The following TMEM132D variants were observed in gnomAD, a reference collection of about 807,000 sequenced individuals.
The protein encoded by TMEM132D is mature OL transmembrane protein.
In TMEM132D, 21 loss-of-function variants were observed where a neutral mutation model predicts 62.3. That is an observed-to-expected ratio of 0.34 (90% confidence interval 0.24 to 0.49). The LOEUF (loss-of-function observed/expected upper bound fraction) is 0.49, where lower values mean the gene tolerates loss of function less well. Among genes scored for constraint, TMEM132D ranks in the 20% least tolerant of loss-of-function variants. The pLI is 0.99. For synonymous variants in TMEM132D, 621 were observed against 575.6 expected (o/e 1.08, Z -1.13); for missense variants, 1,346 against 1,402.8 (o/e 0.96, Z 0.65).
intron 3 of TMEM132D, among the ~76,000 whole-genome samples, chr12:129,458,928 C>A (rs1490101224): frequency 6.6e-6 from 1 of 152,178 alleles, no homozygotes; most frequent in Non-Finnish European, 1.5e-5. Context: ...TCAGTCTCCA[C>A]TCTCTCCATT....
At chr12:129,899,230 AGGATGGAT>A (rs1354364571) in intron 1 of TMEM132D, among the ~76,000 whole-genome samples, 1 of 138,174 alleles carries the variant, frequency 7.2e-6, no homozygotes, top group African/African-American at 3.1e-5. Context: ...GACAGATGGA[AGGATGGAT>A]GGATGGATGG....
intron 5 of TMEM132D, among the ~76,000 whole-genome samples, chr12:129,176,973 C>A (rs1430690430): frequency 5.9e-5 from 9 of 152,192 alleles, no homozygotes; most frequent in African/African-American, 2.2e-4. Context: ...AGGACTGCCC[C>A]CAGCCGTCTT....
At chr12:129,742,645 G>A (rs753088122) in intron 1 of TMEM132D, among the ~76,000 whole-genome samples, 3 of 152,200 alleles carry the variant, frequency 2.0e-5, no homozygotes, top group Non-Finnish European at 4.4e-5. Context: ...AGGAGTAGCT[G>A]CAGAAAATTT....
chr12:129,677,833 T>TGTC (rs755535116), intron 2 of TMEM132D, among the ~76,000 whole-genome samples: 15,196 of 106,380 alleles, frequency 0.14, 844 homozygotes, highest in South Asian at 0.26. Flanking sequence ...GATTTTGTCT[T>TGTC]TTTTTTTTTT....
intron 3 of TMEM132D, among the ~76,000 whole-genome samples, chr12:129,461,724 G>C (rs921697487): frequency 6.7e-6 from 1 of 149,848 alleles, no homozygotes; most frequent in Non-Finnish European, 1.5e-5. Flanking sequence ...TAGGTAGAGA[G>C]GTGGGTGGGT....
intron 2 of TMEM132D, among the ~76,000 whole-genome samples, chr12:129,666,638 T>G (rs1253665549): frequency 6.6e-6 from 1 of 152,184 alleles, no homozygotes; most frequent in Non-Finnish European, 1.5e-5. Flanking sequence ...GACCTGTGGA[T>G]AGCCACGCCC....
chr12:129,630,532 T>C (rs1003156960), intron 2 of TMEM132D, among the ~76,000 whole-genome samples: 3 of 152,152 alleles, frequency 2.0e-5, no homozygotes, highest in Non-Finnish European at 4.4e-5. Context: ...AGGAGAATAA[T>C]TCAAAACACT....
chr12:129,571,900 T>C (rs1877524173), intron 2 of TMEM132D, among the ~76,000 whole-genome samples: 1 of 152,212 alleles, frequency 6.6e-6, no homozygotes, highest in South Asian at 2.1e-4. Flanking sequence ...TTATGGGTTT[T>C]AGACAGCACA....
intron 3 of TMEM132D, among the ~76,000 whole-genome samples, chr12:129,443,964 C>G (rs1450423201): frequency 1.3e-5 from 2 of 152,114 alleles, no homozygotes; most frequent in Non-Finnish European, 2.9e-5. Context: ...AGGTCACACA[C>G]CTACAACTAT....
At chr12:129,740,192 C>T (rs1869556076) in intron 1 of TMEM132D, among the ~76,000 whole-genome samples, 1 of 152,184 alleles carries the variant, frequency 6.6e-6, no homozygotes, top group Non-Finnish European at 1.5e-5. Flanking sequence ...GCCCCATCAT[C>T]AAAATCTCTT....
intron 4 of TMEM132D, among the ~76,000 whole-genome samples, chr12:129,241,346 C>A (rs563676678): frequency 6.6e-6 from 1 of 152,088 alleles, no homozygotes; most frequent in South Asian, 2.1e-4. Context: ...TGCCTTGGAA[C>A]GGCAAAATTC....
intron 1 of TMEM132D, among the ~76,000 whole-genome samples, chr12:129,873,166 C>T (rs1205770768): frequency 2.0e-5 from 3 of 152,166 alleles, no homozygotes; most frequent in Non-Finnish European, 4.4e-5. Flanking sequence ...TTGAATTGCT[C>T]AGACGGTTAT....
rs573857709 is a variant in TMEM132D, at chr12:129,240,455, CTGAA to C, written c.1300-30796_1300-30793del. Among the ~76,000 whole-genome samples, 1,166 of 152,174 alleles carry C rather than the reference CTGAA, an allele frequency of 7.7e-3. 7 individuals are homozygous for C. Among genetic ancestry groups the C allele is most frequent in the Non-Finnish European group, 0.013 (882 of 68,002 alleles). Reference sequence around the variant, plus strand: ...ACAGTAAAATCTTAGAAAATTTTTGCTGAATGAATAAGAAGGTTAGAATTGTCCC... The same window carrying C: ...ACAGTAAAATCTTAGAAAATTTTTGCTGAATAAGAAGGTTAGAATTGTCCC... On this transcript the variant is annotated intron_variant, in intron 4 of 8. Transcript: ENST00000422113.
At position 129,827,665 on chromosome 12, in the gene TMEM132D, A is replaced by C. The variant is rs1225861634; in HGVS notation, c.79+75596T>G. On this transcript the variant is annotated intron_variant, in intron 1 of 8. Coordinates refer to ENST00000422113, the MANE Select transcript of TMEM132D (RefSeq NM_133448.3). The surrounding 1 kb of genome is among the most constrained non-coding windows in gnomAD (Gnocchi z 9.7). Reference sequence around the variant, plus strand: ...GCCATAGACCCAGACATCCTTAACAAACAAATTCCAGCAAGTCTCAAGTGT... The same window carrying C: ...GCCATAGACCCAGACATCCTTAACACACAAATTCCAGCAAGTCTCAAGTGT... 6.6e-6 allele frequency among the ~76,000 whole-genome samples: 1 copy of C among 152,182 alleles called. No individual in the cohort carries two copies. Among genetic ancestry groups the C allele is most frequent in the African/African-American group, 2.4e-5 (1 of 41,430 alleles).
At chr12:129,318,283 G>A (rs1028774542) in intron 4 of TMEM132D, among the ~76,000 whole-genome samples, 2 of 152,150 alleles carry the variant, frequency 1.3e-5, no homozygotes, top group Non-Finnish European at 2.9e-5. Context: ...TCTGTTAGAG[G>A]GAAGGTCTAG....
At chr12:129,263,148 C>T (rs1880596813) in intron 4 of TMEM132D, among the ~76,000 whole-genome samples, 2 of 152,162 alleles carry the variant, frequency 1.3e-5, no homozygotes, top group Non-Finnish European at 2.9e-5. Context: ...AGCAATCTCT[C>T]TGGGTCAGAG....
intron 1 of TMEM132D, among the ~76,000 whole-genome samples, chr12:129,885,124 A>AG (rs1874709349): frequency 6.6e-6 from 1 of 152,182 alleles, no homozygotes; most frequent in Non-Finnish European, 1.5e-5. Context: ...GGAAAAAGAG[A>AG]GGGGCCCATT....
At chr12:129,375,391 T>C (rs978814036) in intron 3 of TMEM132D, among the ~76,000 whole-genome samples, 4 of 152,166 alleles carry the variant, frequency 2.6e-5, no homozygotes, top group African/African-American at 9.7e-5. Flanking sequence ...TGGGTGCATA[T>C]TGGGAATCAT....
At chr12:129,342,789 A>G (rs1317013531) in intron 3 of TMEM132D, among the ~76,000 whole-genome samples, 94 of 152,220 alleles carry the variant, frequency 6.2e-4, no homozygotes, top group Non-Finnish European at 2.8e-4. Flanking sequence ...ACTTCTCAAA[A>G]CAAGACATTT....
Sources: allele counts gnomAD v4.1 joint callset (sites outside exome capture counted in the v4.1 genomes callset), GRCh38; gene constraint gnomAD v4.1.1; non-coding constraint Gnocchi (gnomAD v3.1); transcripts MANE v1.5; gene names NCBI Gene and HGNC (gene_info 2026-07-23, HGNC 2026-07-21).